Variants in CREG1 observed in about 807,000 individuals in gnomAD.
CREG1 encodes cellular repressor of E1A stimulated genes 1.
Under a neutral mutation model 19.9 loss-of-function variants are expected in CREG1, and 20 were observed. The ratio of observed to expected loss-of-function variants is 1.01; its 90% CI spans 0.71 to 1.46. CREG1 has a LOEUF of 1.46. Among genes scored for constraint, CREG1 ranks in the 40% most tolerant of loss-of-function variants. The pLI is 0.00. For synonymous variants in CREG1, 141 were observed against 143.3 expected, an observed-to-expected ratio of 0.98 and a Z score of 0.12; for missense variants, 290 against 314.9, an observed-to-expected ratio of 0.92 and a Z score of 0.60.
At chr1:167,543,477 TTCCAAAACCGA>T (rs67434648) in intron 3 of CREG1, among the ~76,000 whole-genome samples, 10,305 of 152,254 alleles carry the variant, frequency 0.068, 442 homozygotes, top group Middle Eastern at 0.13. Context: ...GAATAATACC[TTCCAAAACCGA>T]TCTGGGCAAG....
intron 3 of CREG1, 74 bp from the exon 4 acceptor site, chr1:167,542,375 G>A (rs2102147867): frequency 2.2e-6 from 3 of 1,382,944 alleles, no homozygotes; most frequent in African/African-American, 2.9e-5. Context: ...TCATTCTAGG[G>A]AAGGACTAGA....
At chr1:167,544,500 CAG>C (rs1656285573) in intron 3 of CREG1, among the ~76,000 whole-genome samples, 1 of 151,976 alleles carries the variant, frequency 6.6e-6, no homozygotes, top group Non-Finnish European at 1.5e-5. Context: ...TCTCCTGAAA[CAG>C]CAGTCAATCA....
At chr1:167,545,998 A>T in intron 3 of CREG1, 103 bp downstream of exon 3, 1 of 854,838 alleles carries the variant, frequency 1.2e-6, no homozygotes. Flanking sequence ...CAGACTGCCC[A>T]GGGTGTCCAG....
chr1:167,542,286 C>T lies in CREG1; in HGVS notation c.*12G>A. On this transcript the variant is annotated 3_prime_UTR_variant, in exon 4 of 4. Coordinates refer to ENST00000370509, the MANE Select transcript of CREG1 (RefSeq NM_003851.3). ...AACTTCATAAGTGTTGCTAAATTCACCACAGTCTGCTTCACCTAGAAAGGG... is the reference window on the plus strand; with the variant it reads ...AACTTCATAAGTGTTGCTAAATTCATCACAGTCTGCTTCACCTAGAAAGGG... The T allele has an allele frequency of 6.2e-7, 1 of 1,601,250 alleles. No homozygotes were observed. The highest frequency in any genetic ancestry group is 8.5e-7 in the Non-Finnish European group (1 of 1,175,104).
intron 1 of CREG1, among the ~76,000 whole-genome samples, chr1:167,553,052 G>GAA (rs61415477): frequency 7.7e-5 from 11 of 142,208 alleles, no homozygotes; most frequent in South Asian, 2.2e-4. Context: ...GTCTCAAAGG[G>GAA]AAAAAAAAAA....
intron 1 of CREG1, 86 bp downstream of exon 1, chr1:167,553,302 C>T (rs572242271): frequency 2.8e-6 from 3 of 1,088,996 alleles, no homozygotes; most frequent in African/African-American, 3.3e-5. Flanking sequence ...CTCCACTTCC[C>T]GGGAAGAATT....
At chr1:167,551,945 C>T (rs1656429825) in intron 1 of CREG1, among the ~76,000 whole-genome samples, 1 of 152,210 alleles carries the variant, frequency 6.6e-6, no homozygotes. Flanking sequence ...CCCACAGTGT[C>T]ACTGGATCTT....
intron 2 of CREG1, 56 bp downstream of exon 2, chr1:167,547,946 T>C (rs1288661368): frequency 5.1e-6 from 8 of 1,557,546 alleles, no homozygotes; most frequent in East Asian, 4.6e-5. Flanking sequence ...TATTCTTTCA[T>C]TGTGAATACG....
chr1:167,547,055 ACTCAACTACAGAG>A (rs755784928), intron 2 of CREG1, among the ~76,000 whole-genome samples: 1 of 152,248 alleles, frequency 6.6e-6, no homozygotes, highest in Non-Finnish European at 1.5e-5. Context: ...AGTGAAGGAC[ACTCAACTACAGAG>A]ATGCATCCAC....
intron 3 of CREG1, 100 bp from the exon 4 acceptor site, chr1:167,542,401 AAATT>A: frequency 8.5e-7 from 1 of 1,177,856 alleles, no homozygotes; most frequent in South Asian, 1.5e-5. Context: ...TTTCTGATCT[AAATT>A]AAGATTTTCA....
Position 167,544,518 on chromosome 1 carries a change from A to G in CREG1, c.659+1583T>C, listed in dbSNP as rs546933486. Among the ~76,000 whole-genome samples, 10 of 152,170 alleles carry G rather than the reference A, an allele frequency of 6.6e-5. No individual in the cohort carries two copies. In the South Asian group the frequency reaches 1.2e-3, roughly 19 times the overall value. On this transcript the variant is annotated intron_variant, in intron 3 of 3. Transcript: ENST00000370509. ...CCTGAAACAGCAGTCAATCATTACA[A>G]GCAGAAAGTGCATTATAAATTACAC... is the stretch of plus-strand genomic sequence containing the variant.
intron 1 of CREG1, among the ~76,000 whole-genome samples, chr1:167,549,390 GT>G (rs5778557): frequency 0.91 from 128,619 of 141,114 alleles, 58,514 homozygotes; most frequent in East Asian, 1. Context: ...ATTTTTTTTT[GT>G]TTTTTTTTTT....
In CREG1 at chr1:167,553,433, G is replaced by T; in HGVS notation, c.309C>A (p.Pro103=). ...DGPPGAGSGV[P]YFYLSPLQLS... ...GCTGCAGCGGGCTCAGGTAGAAATAGGGCACGCCGCTGCCCGCGCCCGGGG... is the reference window on the plus strand; with the variant it reads ...GCTGCAGCGGGCTCAGGTAGAAATATGGCACGCCGCTGCCCGCGCCCGGGG... The change falls in exon 1 of 4, where the codon CCC becomes CCA. Residue 103 remains proline, a synonymous_variant. Transcript: ENST00000370509. 1.4e-6 allele frequency: 2 copies of T among 1,475,434 alleles called. No individual in the cohort carries two copies. The highest frequency in any genetic ancestry group is 1.8e-6 in the Non-Finnish European group (2 of 1,120,234). The allele number at this position is 1,475,434 out of a possible 1,614,324, so 91.4% of individuals were successfully genotyped here.
At chr1:167,545,982 C>T in intron 3 of CREG1, 119 bp downstream of exon 3, 1 of 652,322 alleles carries the variant, frequency 1.5e-6, no homozygotes, top group Non-Finnish European at 2.5e-6. Context: ...GGGTCAGCGG[C>T]TTTACCAGAC....
At chr1:167,544,762 T>C (rs1656288900) in intron 3 of CREG1, among the ~76,000 whole-genome samples, 2 of 152,194 alleles carry the variant, frequency 1.3e-5, no homozygotes, top group Non-Finnish European at 2.9e-5. Context: ...CCTGTTGCGG[T>C]GGAAGGTTGC....
At position 167,553,440 on chromosome 1, in the gene CREG1, C is replaced by T; in HGVS notation, c.302G>A (p.Gly101Asp). Reference protein sequence around the residue: ...LSDGPPGAGSGVPYFYLSPLQ... With the variant: ...LSDGPPGAGSDVPYFYLSPLQ... ...CGGGCTCAGGTAGAAATAGGGCACG[C>T]CGCTGCCCGCGCCCGGGGGCCCGTC... The change falls in exon 1 of 4, where the codon GGC (glycine) becomes GAC (aspartate). Residue 101 changes from glycine to aspartate, a missense_variant. Gly to Asp is a moderately conservative substitution (Grantham distance 94, BLOSUM62 -1). Coordinates refer to ENST00000370509, the MANE Select transcript of CREG1 (RefSeq NM_003851.3). 6.8e-7 allele frequency: 1 copy of T among 1,478,426 alleles called. No homozygotes were observed. Among genetic ancestry groups the T allele is most frequent in the Non-Finnish European group, 8.9e-7 (1 of 1,121,584 alleles). 91.6% of individuals were successfully genotyped at this position (1,478,426 alleles called of 1,614,324 possible).
intron 1 of CREG1, among the ~76,000 whole-genome samples, chr1:167,549,487 C>G (rs185102562): frequency 1.1e-4 from 17 of 151,766 alleles, no homozygotes; most frequent in Admixed American, 3.3e-4. Flanking sequence ...CAAGTTCAAG[C>G]GATTCTCTTG....
intron 1 of CREG1, among the ~76,000 whole-genome samples, chr1:167,553,181 G>C (rs2995068): frequency 0.041 from 6,293 of 152,266 alleles, 421 homozygotes; most frequent in African/African-American, 0.14. Context: ...GCGTGGCCCA[G>C]TGGCGGAGGC....
Position 167,553,586 on chromosome 1 carries a change from G to T in CREG1, c.156C>A (p.Arg52=). Residue 52 remains arginine, a synonymous_variant, in exon 1 of 4, where the codon CGC becomes CGA. Transcript: ENST00000370509. Reference sequence around the variant, plus strand: ...AGCGGGCCACGCGCGCCGCGTCCTCGCGGGGTGGTAGCGGCGGCAGCCGGG... The same window carrying T: ...AGCGGGCCACGCGCGCCGCGTCCTCTCGGGGTGGTAGCGGCGGCAGCCGGG... ...EASRLPPLPP[R]EDAARVARFV... is the part of the protein sequence containing the mutation. The T allele has an allele frequency of 7.0e-7, 1 of 1,430,620 alleles. No individual in the cohort carries two copies. The highest frequency in any genetic ancestry group is 2.8e-5 in the Admixed American group (1 of 35,240). 88.6% of individuals were successfully genotyped at this position (1,430,620 alleles called of 1,614,324 possible). A position where few individuals can be genotyped will look rare whatever the true frequency, so the allele number is the denominator to read the frequency against.
Sources: gnomAD v4.1 joint callset for allele counts (sites outside exome capture counted in the v4.1 genomes callset) on GRCh38, gnomAD v4.1.1 for gene constraint, MANE v1.5 for transcripts, NCBI Gene and HGNC (gene_info 2026-07-23, HGNC 2026-07-21) for gene names.